The following ATP2C1 variants were observed in gnomAD, a reference collection of about 807,000 sequenced individuals.
ATP2C1 encodes calcium-transporting ATPase type 2C member 1.
Under a neutral mutation model 120.5 loss-of-function variants are expected in ATP2C1, and 31 were observed. The ratio of observed to expected loss-of-function variants is 0.26; its 90% CI spans 0.19 to 0.35. The LOEUF (loss-of-function observed/expected upper bound fraction) is 0.35, where lower values mean the gene tolerates loss of function less well. Ranked by LOEUF, ATP2C1 falls within the 10% of genes least tolerant of loss-of-function variation. The pLI is 1.00. For missense variants in ATP2C1, 731 were observed against 1,107.5 expected (o/e 0.66, Z 4.83); for synonymous variants, 351 against 358.7 (o/e 0.98, Z 0.24).
intron 13 of ATP2C1, 148 bp downstream of exon 13, chr3:130,964,243 A>G: frequency 8.5e-7 from 1 of 1,171,298 alleles, no homozygotes; most frequent in Non-Finnish European, 1.2e-6. Flanking sequence ...TAACAACCAA[A>G]AAAGGCAATT....
Position 131,001,264 on chromosome 3 carries a change from G to T in ATP2C1, c.2674G>T (p.Ala892Ser). ...TCTCACCTCATCAGTGTGCATAGTG[G>T]CAGAAATTATAAAGAAGGTTGAAAG... ...LGLTSSVCIVAEIIKKVERSR... is the reference protein window; with the variant it reads ...LGLTSSVCIVSEIIKKVERSR... The change falls in exon 28 of 28, where the codon GCA (alanine) becomes TCA (serine). Residue 892 changes from alanine to serine, a missense_variant. Ala to Ser is a moderately conservative substitution (Grantham distance 99, BLOSUM62 1). Coordinates refer to ENST00000510168, the MANE Select transcript of ATP2C1 (RefSeq NM_001378687.1). The T allele has an allele frequency of 6.2e-7, 1 of 1,613,838 alleles. No individual in the cohort carries two copies. The highest frequency in any genetic ancestry group is 8.5e-7 in the Non-Finnish European group (1 of 1,179,896).
Position 130,955,690 on chromosome 3 carries a change from A to G in ATP2C1, c.757-414A>G, listed in dbSNP as rs536887867. ...GGCAGTGAAGGGATGAATAGAGAAG[A>G]GGGTTAGCAGTTGAGGGAGGATTAA... On this transcript the variant is annotated intron_variant, in intron 10 of 27. Transcript: ENST00000510168. 116 of 190,024 alleles carry G rather than the reference A, an allele frequency of 6.1e-4. 1 individual carries two copies. Among genetic ancestry groups the G allele is most frequent in the Non-Finnish European group, 2.3e-4 (21 of 91,238 alleles). The allele number at this position is 190,024 out of a possible 1,614,324, so 11.8% of individuals were successfully genotyped here.
intron 20 of ATP2C1, among the ~76,000 whole-genome samples, chr3:130,988,815 T>C (rs2062150623): frequency 1.3e-5 from 2 of 152,198 alleles, no homozygotes; most frequent in African/African-American, 4.8e-5. Context: ...AACAAGACAG[T>C]AGTCTCCACT....
intron 2 of ATP2C1, among the ~76,000 whole-genome samples, chr3:130,911,957 A>G (rs1370301930): frequency 7.4e-6 from 1 of 135,612 alleles, no homozygotes; most frequent in Non-Finnish European, 1.6e-5. Context: ...GCATATCTAC[A>G]ACTATCTGAT....
chr3:130,941,242 G>GTGTC (rs2059893895), intron 7 of ATP2C1, among the ~76,000 whole-genome samples: 1 of 147,736 alleles, frequency 6.8e-6, no homozygotes, highest in African/African-American at 2.5e-5. Context: ...GTGTGTGTGT[G>GTGTC]TGTGTGTGTG....
intron 2 of ATP2C1, chr3:130,918,490 G>T (rs909364824): frequency 3.8e-6 from 3 of 789,438 alleles, no homozygotes; most frequent in Non-Finnish European, 6.9e-6. Flanking sequence ...GAAGTCTTTG[G>T]ATTTGCTTGT....
chr3:130,864,108 G>T (rs919816872), intron 1 of ATP2C1, among the ~76,000 whole-genome samples: 1 of 152,192 alleles, frequency 6.6e-6, no homozygotes, highest in African/African-American at 2.4e-5. Context: ...TTGTTGAATG[G>T]CTTTGTCCAA....
chr3:130,918,266 T>C, intron 2 of ATP2C1: 1 of 1,539,056 alleles, frequency 6.5e-7, no homozygotes, highest in South Asian at 1.1e-5. Context: ...GCCAAATCCC[T>C]TGGGCCCAAA....
At chr3:130,928,033 C>T (rs1236197929) in intron 2 of ATP2C1, 1 of 152,760 alleles carries the variant, frequency 6.5e-6, no homozygotes, top group Non-Finnish European at 1.5e-5. Flanking sequence ...TGGAACAATT[C>T]TCTCCAAATG....
intron 1 of ATP2C1, among the ~76,000 whole-genome samples, chr3:130,887,417 G>A (rs1279279917): frequency 6.6e-6 from 1 of 152,126 alleles, no homozygotes; most frequent in African/African-American, 2.4e-5. Context: ...CTTCAGGGCA[G>A]TGAGTTCCCC....
At chr3:131,008,356 G>A (rs1217484260) in intron 26 of ATP2C1, among the ~76,000 whole-genome samples, 1 of 151,372 alleles carries the variant, frequency 6.6e-6, no homozygotes, top group Non-Finnish European at 1.5e-5. Flanking sequence ...AACCTGGGAG[G>A]TGGAGGCTGC....
chr3:130,904,903 C>T (rs887608607), intron 2 of ATP2C1, among the ~76,000 whole-genome samples: 2 of 151,886 alleles, frequency 1.3e-5, no homozygotes, highest in African/African-American at 4.8e-5. Context: ...GATATTTTGC[C>T]TTATGGGTTA....
chr3:130,892,410 G>C (rs1172661533), upstream of ATP2C1, among the ~76,000 whole-genome samples: 1 of 152,220 alleles, frequency 6.6e-6, no homozygotes, highest in Non-Finnish European at 1.5e-5. Flanking sequence ...TCATTGTGTA[G>C]ACAAAAATCA....
chr3:130,881,551 G>T (rs1304025937), intron 1 of ATP2C1, among the ~76,000 whole-genome samples: 1 of 152,078 alleles, frequency 6.6e-6, no homozygotes, highest in Non-Finnish European at 1.5e-5. Flanking sequence ...TAGAGATGAC[G>T]TTTCTCCATG....
At chr3:130,866,567 C>A (rs2068183375) in intron 1 of ATP2C1, among the ~76,000 whole-genome samples, 1 of 152,240 alleles carries the variant, frequency 6.6e-6, no homozygotes, top group South Asian at 2.1e-4. Flanking sequence ...GCTAGGATGA[C>A]AACTGTAGCT....
chr3:130,862,131 GC>G (rs1345420883), intron 1 of ATP2C1, among the ~76,000 whole-genome samples: 3 of 149,870 alleles, frequency 2.0e-5, no homozygotes, highest in African/African-American at 7.3e-5. Flanking sequence ...CTGCCACCAT[GC>G]CTGGCTAATT....
At chr3:130,858,876 G>A (rs1001213051) in intron 1 of ATP2C1, among the ~76,000 whole-genome samples, 1 of 152,190 alleles carries the variant, frequency 6.6e-6, no homozygotes, top group Non-Finnish European at 1.5e-5. Context: ...AGATAGGTAT[G>A]CATTTGGGAG....
At chr3:130,981,320 T>C (rs1172920130) in intron 20 of ATP2C1, among the ~76,000 whole-genome samples, 1 of 152,180 alleles carries the variant, frequency 6.6e-6, no homozygotes, top group African/African-American at 2.4e-5. Context: ...TTGAATCTGC[T>C]TCTTTCACTT....
At chr3:130,978,989 C>G (rs1274032690) in intron 18 of ATP2C1, among the ~76,000 whole-genome samples, 1 of 152,108 alleles carries the variant, frequency 6.6e-6, no homozygotes, top group Non-Finnish European at 1.5e-5. Flanking sequence ...AAATATTGTT[C>G]ATTTTCTGTC....
Sources: gnomAD v4.1 joint callset for allele counts (sites outside exome capture counted in the v4.1 genomes callset) on GRCh38, gnomAD v4.1.1 for gene constraint, MANE v1.5 for transcripts, NCBI Gene and HGNC (gene_info 2026-07-23, HGNC 2026-07-21) for gene names.